Variants in NCKAP5 observed in about 807,000 individuals in gnomAD.
NCKAP5 encodes the protein NCK associated protein 5, also known as nck-associated protein 5.
NCKAP5 carries 92 observed loss-of-function variants against 167.0 expected under a neutral mutation model. The observed-to-expected ratio is 0.55, with a 90% CI of 0.47 to 0.66. NCKAP5 has a LOEUF of 0.66. Among genes scored for constraint, NCKAP5 ranks in the 30% least tolerant of loss-of-function variants. NCKAP5 has a pLI of 0.00. For missense variants in NCKAP5, 2,378 were observed against 2,315.0 expected, an observed-to-expected ratio of 1.03 and a Z score of -0.56; for synonymous variants, 891 against 877.4, an observed-to-expected ratio of 1.02 and a Z score of -0.27.
chr2:132,908,226 A>T (rs562455524), intron 8 of NCKAP5, among the ~76,000 whole-genome samples: 1 of 152,108 alleles, frequency 6.6e-6, no homozygotes, highest in East Asian at 1.9e-4. Flanking sequence ...AAATTACATC[A>T]TCTTGATTTT....
chr2:132,984,943 C>T (rs2077248353), intron 7 of NCKAP5, among the ~76,000 whole-genome samples: 1 of 149,680 alleles, frequency 6.7e-6, no homozygotes, highest in South Asian at 2.2e-4. Context: ...TCAAGCTGCA[C>T]ACTTACTAAA....
intron 19 of NCKAP5, among the ~76,000 whole-genome samples, chr2:132,691,464 G>A (rs1686719425): frequency 6.6e-6 from 1 of 151,930 alleles, no homozygotes; most frequent in Non-Finnish European, 1.5e-5. Flanking sequence ...ATGGTCCAGG[G>A]ACACGTCACA....
At chr2:133,500,782 T>G (rs1466342186) in intron 3 of NCKAP5, among the ~76,000 whole-genome samples, 1 of 152,246 alleles carries the variant, frequency 6.6e-6, no homozygotes, top group African/African-American at 2.4e-5. Context: ...TTTATTGGGA[T>G]AGTGATGTAC....
the NCKAP5 span, among the ~76,000 whole-genome samples, chr2:133,583,130 T>A: frequency 3.2e-4 from 48 of 152,192 alleles, no homozygotes; most frequent in South Asian, 6.2e-4. Context: ...TAAAAAAATA[T>A]ATATATGATA....
intron 5 of NCKAP5, among the ~76,000 whole-genome samples, chr2:133,196,974 G>A (rs1002697230): frequency 6.6e-6 from 1 of 152,146 alleles, no homozygotes. Context: ...TCAATCAGAA[G>A]AGTAAGAAAC....
intron 6 of NCKAP5, among the ~76,000 whole-genome samples, chr2:133,081,439 C>T (rs546323608): frequency 3.7e-4 from 56 of 152,284 alleles, no homozygotes; most frequent in Non-Finnish European, 2.2e-4. Context: ...TTCCTAACAA[C>T]ACATTTTTCT....
chr2:133,016,462 G>A (rs545406648), intron 6 of NCKAP5, among the ~76,000 whole-genome samples: 2 of 152,154 alleles, frequency 1.3e-5, no homozygotes, highest in Non-Finnish European at 2.9e-5. Flanking sequence ...CAGGCCTTCC[G>A]TGTTAAGAAA....
At chr2:133,258,643 G>A (rs1222982432) in intron 4 of NCKAP5, among the ~76,000 whole-genome samples, 2 of 152,050 alleles carry the variant, frequency 1.3e-5, no homozygotes. Flanking sequence ...TACTAGGGAG[G>A]CTGAGGTGGG....
intron 6 of NCKAP5, among the ~76,000 whole-genome samples, chr2:133,021,316 A>G (rs1265963241): frequency 1.3e-5 from 2 of 152,300 alleles, no homozygotes; most frequent in African/African-American, 2.4e-5. Flanking sequence ...AATTGGATAC[A>G]GTGGGCCTGG....
intron 6 of NCKAP5, among the ~76,000 whole-genome samples, chr2:133,070,298 TG>T (rs2080345517): frequency 6.6e-6 from 1 of 152,046 alleles, no homozygotes; most frequent in South Asian, 2.1e-4. Flanking sequence ...AATTAAAAAA[TG>T]GGATGATATG....
chr2:133,467,184 A>G (rs1692666569), intron 3 of NCKAP5, among the ~76,000 whole-genome samples: 1 of 151,144 alleles, frequency 6.6e-6, no homozygotes, highest in African/African-American at 2.4e-5. Context: ...AATACGTCCC[A>G]TCAATACCTA....
chr2:133,223,468 A>G (rs1430966350), intron 4 of NCKAP5, among the ~76,000 whole-genome samples: 4 of 152,174 alleles, frequency 2.6e-5, no homozygotes, highest in South Asian at 2.1e-4. Context: ...TCGTGTGGGC[A>G]GATGGGGAGA....
At chr2:133,046,452 C>T (rs956664482) in intron 6 of NCKAP5, among the ~76,000 whole-genome samples, 1 of 152,078 alleles carries the variant, frequency 6.6e-6, no homozygotes, top group Non-Finnish European at 1.5e-5. Flanking sequence ...GATCATGGCT[C>T]ACTACACCCT....
chr2:133,026,401 C>T (rs1273232228), intron 6 of NCKAP5, among the ~76,000 whole-genome samples: 4 of 149,490 alleles, frequency 2.7e-5, no homozygotes, highest in Admixed American at 2.7e-4. Context: ...TTTAAGAACA[C>T]AGTCAAGGAT....
At chr2:133,431,674 TG>T (rs1335612983) in intron 3 of NCKAP5, 1 of 152,176 alleles carries the variant, frequency 6.6e-6, no homozygotes, top group Non-Finnish European at 1.5e-5. Flanking sequence ...ACAAGGTTTT[TG>T]TTTATTTGTA....
chr2:133,671,782 G>T, the NCKAP5 span, among the ~76,000 whole-genome samples: 1 of 152,246 alleles, frequency 6.6e-6, no homozygotes, highest in African/African-American at 2.4e-5. Context: ...GAGACTATCA[G>T]CTTCCTGATA....
chr2:133,029,407 G>C (rs890838261), intron 6 of NCKAP5, among the ~76,000 whole-genome samples: 2 of 152,154 alleles, frequency 1.3e-5, no homozygotes, highest in African/African-American at 4.8e-5. Flanking sequence ...ATCAAACCTT[G>C]ATAGAGGCAA....
At chr2:133,189,400 T>C (rs142051707) in intron 5 of NCKAP5, among the ~76,000 whole-genome samples, 6,939 of 152,028 alleles carry the variant, frequency 0.046, 505 homozygotes, top group African/African-American at 0.16. Context: ...TTCCAATCAA[T>C]AGAAAAAGAA....
intron 11 of NCKAP5, among the ~76,000 whole-genome samples, chr2:132,858,780 T>C (rs1689660263): frequency 6.6e-6 from 1 of 152,172 alleles, no homozygotes. Context: ...AGCATACACA[T>C]CATCCCCTGA....
Sources: allele counts gnomAD v4.1 joint callset (sites outside exome capture counted in the v4.1 genomes callset), GRCh38; gene constraint gnomAD v4.1.1; transcripts MANE v1.5; gene names NCBI Gene and HGNC (gene_info 2026-07-23, HGNC 2026-07-21).